Variants in DIAPH3 observed in about 807,000 individuals in gnomAD.
DIAPH3 encodes the protein protein diaphanous homolog 3.
Under a neutral mutation model 144.3 loss-of-function variants are expected in DIAPH3, and 117 were observed. The observed-to-expected ratio is 0.81, with a 90% CI of 0.70 to 0.95. The LOEUF (loss-of-function observed/expected upper bound fraction) is 0.95. Among genes scored for constraint, DIAPH3 ranks in the 40% least tolerant of loss-of-function variants. The probability of loss-of-function intolerance (pLI) is 0.00; values close to 1 mark genes in which losing one functional copy is unlikely to be tolerated. For missense variants in DIAPH3, 1,421 were observed against 1,412.7 expected, an observed-to-expected ratio of 1.01 and a Z score of -0.09; for synonymous variants, 519 against 488.9, an observed-to-expected ratio of 1.06 and a Z score of -0.81.
chr13:59,954,061 T>A (rs574082108), intron 17 of DIAPH3, among the ~76,000 whole-genome samples: 62 of 152,264 alleles, frequency 4.1e-4, no homozygotes, highest in Non-Finnish European at 7.6e-4. Flanking sequence ...ATGCATAAGG[T>A]CCTTCAAGAT....
chr13:59,830,651 C>T (rs1343263856), intron 24 of DIAPH3, among the ~76,000 whole-genome samples: 1 of 151,676 alleles, frequency 6.6e-6, no homozygotes, highest in East Asian at 1.9e-4. Context: ...CCACAGAATG[C>T]CAAAACCCTC....
intron 17 of DIAPH3, among the ~76,000 whole-genome samples, chr13:59,939,058 A>T (rs1396603781): frequency 6.6e-6 from 1 of 152,186 alleles, no homozygotes; most frequent in African/African-American, 2.4e-5. Flanking sequence ...TTGAAAATTT[A>T]TGTAGGAATC....
At chr13:59,910,894 T>C (rs1380047427) in intron 20 of DIAPH3, among the ~76,000 whole-genome samples, 1 of 151,388 alleles carries the variant, frequency 6.6e-6, no homozygotes, top group Admixed American at 6.6e-5. Flanking sequence ...GGAAGGAATG[T>C]AAAAGCAAAT....
At chr13:60,066,985 A>G (rs564947541) in intron 4 of DIAPH3, among the ~76,000 whole-genome samples, 2 of 152,198 alleles carry the variant, frequency 1.3e-5, no homozygotes, top group Non-Finnish European at 2.9e-5. Context: ...ATTTTTCAAA[A>G]ATTATTTTCT....
chr13:59,749,415 G>C (rs1353964894), intron 27 of DIAPH3, among the ~76,000 whole-genome samples: 1 of 149,154 alleles, frequency 6.7e-6, no homozygotes, highest in Admixed American at 6.7e-5. Flanking sequence ...AGCTACTTGG[G>C]AGGCTGAGGC....
At chr13:60,056,590 A>G (rs541796844) in intron 4 of DIAPH3, among the ~76,000 whole-genome samples, 1 of 151,940 alleles carries the variant, frequency 6.6e-6, no homozygotes, top group South Asian at 2.1e-4. Flanking sequence ...TCTAAATAAC[A>G]TTCTCCACTA....
At chr13:59,844,968 C>A (rs1329451702) in intron 22 of DIAPH3, among the ~76,000 whole-genome samples, 1 of 152,106 alleles carries the variant, frequency 6.6e-6, no homozygotes, top group African/African-American at 2.4e-5. Flanking sequence ...TTTTACTTGA[C>A]AAATAGTACT....
At chr13:59,982,019 C>G (rs1024963181) in intron 13 of DIAPH3, among the ~76,000 whole-genome samples, 1 of 151,338 alleles carries the variant, frequency 6.6e-6, no homozygotes, top group African/African-American at 2.4e-5. Flanking sequence ...AAAATTCTTG[C>G]CACAGTATGT....
intron 22 of DIAPH3, chr13:59,861,120 A>C: frequency 1.1e-6 from 1 of 928,744 alleles, no homozygotes; most frequent in Non-Finnish European, 1.5e-6. Context: ...CAAAAAGTGC[A>C]GGAGATTTAG....
At chr13:59,861,634 T>A (rs2043597086) in intron 21 of DIAPH3, 98 bp from the exon 22 acceptor site, 2 of 1,293,144 alleles carry the variant, frequency 1.5e-6, no homozygotes, top group Non-Finnish European at 2.2e-6. Flanking sequence ...AGATAAGGAC[T>A]AAAAGTTGTA....
At chr13:60,039,462 C>T in intron 5 of DIAPH3, among the ~76,000 whole-genome samples, 1 of 151,986 alleles carries the variant, frequency 6.6e-6, no homozygotes, top group South Asian at 2.1e-4. Context: ...CATCACCATG[C>T]CCAGATAATT....
chr13:59,818,250 T>C (rs1246706052), intron 24 of DIAPH3, among the ~76,000 whole-genome samples: 1 of 151,948 alleles, frequency 6.6e-6, no homozygotes, highest in Non-Finnish European at 1.5e-5. Context: ...AAAAAAAATC[T>C]TTTAACATAA....
chr13:59,993,883 A>C (rs1460361264), intron 9 of DIAPH3, among the ~76,000 whole-genome samples: 1 of 151,798 alleles, frequency 6.6e-6, no homozygotes, highest in Non-Finnish European at 1.5e-5. Flanking sequence ...AAAGATCTCA[A>C]AGAGCAAATA....
At chr13:59,957,338 G>A (rs1217892779) in intron 17 of DIAPH3, among the ~76,000 whole-genome samples, 1 of 152,118 alleles carries the variant, frequency 6.6e-6, no homozygotes, top group East Asian at 1.9e-4. Flanking sequence ...TTCCCATGCT[G>A]TTCTCATAAT....
chr13:60,032,226 G>A (rs76133945), intron 5 of DIAPH3, among the ~76,000 whole-genome samples: 2,202 of 152,198 alleles, frequency 0.014, 19 homozygotes, highest in Non-Finnish European at 0.025. Context: ...GCAAGCTGCT[G>A]GTCAATCTAC....
intron 17 of DIAPH3, among the ~76,000 whole-genome samples, chr13:59,967,004 G>C (rs916518247): frequency 6.6e-6 from 1 of 152,158 alleles, no homozygotes; most frequent in Non-Finnish European, 1.5e-5. Context: ...TCACCTTGGA[G>C]TGAACAATAC....
chr13:60,112,303 G>C, intron 2 of DIAPH3, 117 bp from the exon 3 acceptor site: 1 of 1,199,610 alleles, frequency 8.3e-7, no homozygotes, highest in Non-Finnish European at 1.2e-6. Flanking sequence ...ATTTCATCAA[G>C]AGGCATTCAG....
intron 9 of DIAPH3, among the ~76,000 whole-genome samples, chr13:60,000,998 GA>G (rs747853719): frequency 2.6e-5 from 4 of 152,158 alleles, no homozygotes; most frequent in African/African-American, 4.8e-5. Flanking sequence ...TCTGTTGCAA[GA>G]CAATTCTCCC....
chr13:59,865,080 A>G (rs988636537), intron 21 of DIAPH3, among the ~76,000 whole-genome samples: 1 of 151,952 alleles, frequency 6.6e-6, no homozygotes, highest in Non-Finnish European at 1.5e-5. Context: ...ATGCTCTAAC[A>G]TTCTCTAGAA....
Sources: gnomAD v4.1 joint callset for allele counts (sites outside exome capture counted in the v4.1 genomes callset) on GRCh38, gnomAD v4.1.1 for gene constraint, MANE v1.5 for transcripts, NCBI Gene and HGNC (gene_info 2026-07-23, HGNC 2026-07-21) for gene names.